The following ANO4 variants were observed in gnomAD, a reference collection of about 807,000 sequenced individuals.
The protein encoded by ANO4 is anoctamin 4.
ANO4 carries 69 observed loss-of-function variants against 141.9 expected under a neutral mutation model. The ratio of observed to expected loss-of-function variants is 0.49; its 90% confidence interval spans 0.40 to 0.59. ANO4 has a LOEUF of 0.59. Ranked by LOEUF, ANO4 falls within the 20% of genes least tolerant of loss-of-function variation. The pLI is 0.00. For synonymous variants in ANO4, 350 were observed against 394.3 expected, an observed-to-expected ratio of 0.89 and a Z score of 1.33; for missense variants, 894 against 1,162.2, an observed-to-expected ratio of 0.77 and a Z score of 3.36.
intron 1 of ANO4, among the ~76,000 whole-genome samples, chr12:100,733,537 T>C (rs1448623353): frequency 6.6e-6 from 1 of 152,172 alleles, no homozygotes; most frequent in Non-Finnish European, 1.5e-5. Flanking sequence ...GACATGAAAC[T>C]GCAATTGCCT....
intron 1 of ANO4, among the ~76,000 whole-genome samples, chr12:100,808,316 C>T (rs77993170): frequency 0.021 from 3,123 of 152,212 alleles, 108 homozygotes; most frequent in African/African-American, 0.07. Context: ...TCAATGATGT[C>T]AAGCTTTTTT....
Position 100,913,757 on chromosome 12 carries a change from A to G in ANO4, c.56-8469A>G, listed in dbSNP as rs548206936. On this transcript the variant is annotated intron_variant, in intron 2 of 27. Transcript: ENST00000392977. ...AAGTCTAAGCCCTTAGCCATGGTGG[A>G]TAGTCAGTTAATAGTGAGCTTTTAT... Among the ~76,000 whole-genome samples the G allele has an allele frequency of 1.2e-4, 19 of 152,316 alleles. No individual in the cohort carries two copies. The South Asian group carries it at 3.5e-3, about 28-fold the overall frequency.
At chr12:100,815,063 C>CAG (rs149346567) in intron 1 of ANO4, among the ~76,000 whole-genome samples, 39 of 150,932 alleles carry the variant, frequency 2.6e-4, no homozygotes, top group African/African-American at 9.0e-4. Flanking sequence ...GGGGGAGAAA[C>CAG]AGAGAGAGAG....
At position 100,939,410 on chromosome 12, in the gene ANO4, AG is replaced by A; in HGVS notation, c.257del (p.Ser86IlefsTer70). ...TCTTCTTCACCCTGGAAACCTGACT[AG>A]TACTTCAGATGATGCCAGCAGATTG... is the stretch of plus-strand genomic sequence containing the variant. ...DSLLHPGNLTSTSDDASRLEA... is the reference protein window; with the variant it reads ...DSLLHPGNLTXTSDDASRLEA... On this transcript the variant is annotated frameshift_variant, in exon 4 of 28. Transcript: ENST00000392977. LOFTEE classifies it high-confidence loss of function. 1.2e-6 allele frequency: 2 copies of A among 1,613,760 alleles called. No individual in the cohort carries two copies. Among genetic ancestry groups the A allele is most frequent in the Non-Finnish European group, 1.7e-6 (2 of 1,179,730 alleles).
chr12:100,873,642 A>G (rs2039143450), intron 1 of ANO4, among the ~76,000 whole-genome samples: 1 of 152,162 alleles, frequency 6.6e-6, no homozygotes, highest in South Asian at 2.1e-4. Flanking sequence ...TTTGTGAGCC[A>G]AGAAATGACC....
chr12:101,002,602 C>G (rs867937696), intron 8 of ANO4, among the ~76,000 whole-genome samples: 5 of 152,326 alleles, frequency 3.3e-5, no homozygotes, highest in South Asian at 2.1e-4. Flanking sequence ...TCCTCTCACT[C>G]TTTGGTAATA....
At chr12:100,904,149 T>A (rs1335122029) in intron 2 of ANO4, among the ~76,000 whole-genome samples, 1 of 152,204 alleles carries the variant, frequency 6.6e-6, no homozygotes, top group Non-Finnish European at 1.5e-5. Flanking sequence ...GAACAAAACC[T>A]TCATTAGCTG....
At chr12:100,740,301 T>A (rs2031807749) in intron 3 of ANO4, among the ~76,000 whole-genome samples, 1 of 152,074 alleles carries the variant, frequency 6.6e-6, no homozygotes, top group African/African-American at 2.4e-5. Context: ...GGTATCGAAC[T>A]CCTGGCCTCA....
chr12:101,023,967 G>A (rs965263253), intron 9 of ANO4, among the ~76,000 whole-genome samples: 2 of 152,100 alleles, frequency 1.3e-5, no homozygotes. Context: ...AGCCAACATC[G>A]ATTAGAAATA....
intron 8 of ANO4, among the ~76,000 whole-genome samples, chr12:100,989,630 GA>G (rs1566096051): frequency 2.2e-5 from 3 of 137,976 alleles, no homozygotes; most frequent in Non-Finnish European, 3.1e-5. Flanking sequence ...TAGATGGATG[GA>G]TGGATGGATG....
At chr12:100,776,838 T>C (rs770238295) in intron 3 of ANO4, among the ~76,000 whole-genome samples, 3 of 152,160 alleles carry the variant, frequency 2.0e-5, no homozygotes, top group Admixed American at 6.5e-5. Context: ...AGATTAACTT[T>C]GGATGACTGG....
In ANO4 at chr12:101,020,081, G is replaced by A; in HGVS notation, c.782G>A (p.Ser261Asn). 1.9e-6 allele frequency: 3 copies of A among 1,613,704 alleles called. No individual in the cohort carries two copies. The highest frequency in any genetic ancestry group is 2.5e-6 in the Non-Finnish European group (3 of 1,179,734). ...ACGTTCTTCAACAATGCCACAAGAA[G>A]TAGAATCGTGCATCACATTTTACAA... The part of the protein sequence containing the change: ...KETFFNNATR[S>N]RIVHHILQRI... Residue 261 changes from serine (S) to asparagine (N), a missense_variant, in exon 9 of 28, where the codon AGT becomes AAT. Ser to Asn is a conservative substitution (Grantham distance 46). Around this residue, in one of 2 missense-constraint regions of ANO4, gnomAD observed 637 missense variants for 909.2 expected, o/e 0.70. Transcript: ENST00000392977.
At chr12:100,779,538 C>G (rs1480745416) in intron 3 of ANO4, among the ~76,000 whole-genome samples, 1 of 152,154 alleles carries the variant, frequency 6.6e-6, no homozygotes, top group East Asian at 1.9e-4. Context: ...TTAAAACCAC[C>G]TCTTTTATCT....
intron 1 of ANO4, among the ~76,000 whole-genome samples, chr12:100,825,392 C>T (rs1298664118): frequency 1.3e-5 from 2 of 151,958 alleles, no homozygotes; most frequent in African/African-American, 4.8e-5. Flanking sequence ...TAAATTATTT[C>T]ATTTCTTGAT....
chr12:100,886,379 G>GC (rs2039830332), intron 1 of ANO4, among the ~76,000 whole-genome samples: 1 of 151,640 alleles, frequency 6.6e-6, no homozygotes, highest in African/African-American at 2.4e-5. Flanking sequence ...TGTGAAGATC[G>GC]TTGCTTTCAG....
At chr12:100,794,005 A>G (rs544456049), upstream of ANO4, among the ~76,000 whole-genome samples, 314 of 152,280 alleles carry the variant, frequency 2.1e-3, 2 homozygotes, top group Non-Finnish European at 3.6e-3. Flanking sequence ...ATTTTGTCTT[A>G]TAGGTGATTT....
At chr12:101,057,707 G>A (rs770666713) in intron 14 of ANO4, among the ~76,000 whole-genome samples, 1 of 152,060 alleles carries the variant, frequency 6.6e-6, no homozygotes, top group South Asian at 2.1e-4. Flanking sequence ...TTTTTATGGG[G>A]TTGTTTGTAT....
At chr12:100,902,821 G>A (rs2040658711) in intron 2 of ANO4, among the ~76,000 whole-genome samples, 1 of 152,174 alleles carries the variant, frequency 6.6e-6, no homozygotes, top group Non-Finnish European at 1.5e-5. Context: ...CAGAAGATGA[G>A]GGGCCTCCCA....
chr12:101,038,191 C>T (rs1249988075), intron 10 of ANO4, among the ~76,000 whole-genome samples: 1 of 152,166 alleles, frequency 6.6e-6, no homozygotes, highest in African/African-American at 2.4e-5. Context: ...CAGAAGCAAA[C>T]ATTTTGACAC....
Sources: allele counts gnomAD v4.1 joint callset (sites outside exome capture counted in the v4.1 genomes callset), GRCh38; gene constraint gnomAD v4.1.1; regional missense constraint gnomAD v4.1.1; transcripts MANE v1.5; gene names NCBI Gene and HGNC (gene_info 2026-07-23, HGNC 2026-07-21).